The following AEBP2 variants were observed in gnomAD, a reference collection of about 807,000 sequenced individuals.
AEBP2 encodes the protein AE binding protein 2.
AEBP2 carries 10 observed loss-of-function variants against 50.8 expected under a neutral mutation model. The ratio of observed to expected loss-of-function variants is 0.20; its 90% CI spans 0.12 to 0.33. The LOEUF (loss-of-function observed/expected upper bound fraction) is 0.33, where lower values mean the gene tolerates loss of function less well. Ranked by LOEUF, AEBP2 falls within the 10% of genes least tolerant of loss-of-function variation. The pLI, the probability that AEBP2 is intolerant of heterozygous loss-of-function variation, is 1.00. For missense variants in AEBP2, 570 were observed against 688.0 expected, an observed-to-expected ratio of 0.83 and a Z score of 1.92; for synonymous variants, 296 against 261.3, an observed-to-expected ratio of 1.13 and a Z score of -1.28.
chr12:19,501,797 G>GTTTGTTTTTTTTTTTTTTTTTTTTTTTT (rs60750234), intron 5 of AEBP2, among the ~76,000 whole-genome samples: 4 of 70,906 alleles, frequency 5.6e-5, no homozygotes, highest in Non-Finnish European at 1.1e-4. Context: ...AAATGAGTTT[G>GTTTGTTTTTTTTTTTTTTTTTTTTTTTT]TTTTTTTTTT....
At chr12:19,488,978 G>A (rs946063860) in intron 3 of AEBP2, among the ~76,000 whole-genome samples, 8 of 152,030 alleles carry the variant, frequency 5.3e-5, no homozygotes, top group Non-Finnish European at 7.4e-5. Context: ...TAGTAGAGGC[G>A]TGGTTTCACC....
At position 19,489,331 on chromosome 12, in the gene AEBP2, GCAGGGGAACCTGC is replaced by G. The variant is rs537063155; in HGVS notation, c.988-4466_988-4454del. Among the ~76,000 whole-genome samples, 60 of 152,350 alleles carry G rather than the reference GCAGGGGAACCTGC, an allele frequency of 3.9e-4. No individual in the cohort carries two copies. The East Asian group carries it at 0.01, about 25-fold the overall frequency. ...TTCACAAGGTGGTGGCAGAGAGAGTGCAGGGGAACCTGCCATTTTTAAAAACCATCAGATCTTG... is the reference window on the plus strand; with the variant it reads ...TTCACAAGGTGGTGGCAGAGAGAGTGCATTTTTAAAAACCATCAGATCTTG... On this transcript the variant is annotated intron_variant, in intron 3 of 7. Transcript: ENST00000266508.
At chr12:19,468,675 G>T (rs1241760464) in intron 2 of AEBP2, among the ~76,000 whole-genome samples, 1 of 152,090 alleles carries the variant, frequency 6.6e-6, no homozygotes, top group Non-Finnish European at 1.5e-5. Context: ...GGATACACTG[G>T]TTCATACACT....
intron 3 of AEBP2, among the ~76,000 whole-genome samples, chr12:19,476,626 G>A (rs990813280): frequency 6.6e-6 from 1 of 152,212 alleles, no homozygotes; most frequent in Non-Finnish European, 1.5e-5. Context: ...ACAGGCGTGA[G>A]TCACCAATAT....
chr12:19,446,137 C>T (rs1401490877), intron 1 of AEBP2: 2 of 152,012 alleles, frequency 1.3e-5, no homozygotes, highest in Admixed American at 6.6e-5. Context: ...TTTATTTTTG[C>T]GATGAATAGT....
intron 1 of AEBP2, among the ~76,000 whole-genome samples, chr12:19,447,752 G>C (rs1468631606): frequency 2.6e-5 from 4 of 152,182 alleles, no homozygotes; most frequent in Admixed American, 6.5e-5. Flanking sequence ...GAGGATAAGC[G>C]ATCAGTATTG....
chr12:19,505,780 TG>T (rs1949147157), intron 5 of AEBP2, among the ~76,000 whole-genome samples: 1 of 152,048 alleles, frequency 6.6e-6, no homozygotes, highest in Non-Finnish European at 1.5e-5. Context: ...TTTGTTTGTT[TG>T]TTTTGTTTTT....
intron 5 of AEBP2, among the ~76,000 whole-genome samples, chr12:19,509,820 C>CT (rs57103167): frequency 0.035 from 2,393 of 68,816 alleles, 389 homozygotes; most frequent in Admixed American, 0.083. Context: ...TGGCTACTTT[C>CT]TTTTTTTTTT....
chr12:19,472,462 A>T (rs1948587226), intron 2 of AEBP2, among the ~76,000 whole-genome samples: 1 of 152,126 alleles, frequency 6.6e-6, no homozygotes, highest in Non-Finnish European at 1.5e-5. Flanking sequence ...TTAATTTGTT[A>T]GTTTTGGTGC....
At chr12:19,478,877 T>A (rs1484871254) in intron 3 of AEBP2, among the ~76,000 whole-genome samples, 1 of 152,168 alleles carries the variant, frequency 6.6e-6, no homozygotes, top group Non-Finnish European at 1.5e-5. Context: ...GAGACTTGTT[T>A]TGTGACCTAT....
chr12:19,466,934 A>C (rs1166003521), intron 2 of AEBP2: 3 of 364,598 alleles, frequency 8.2e-6, no homozygotes, highest in Non-Finnish European at 7.6e-6. Flanking sequence ...GAAAAGCAAA[A>C]CCATTATATA....
At chr12:19,518,038 A>G in intron 7 of AEBP2, 49 bp from the exon 8 acceptor site, 1 of 1,531,120 alleles carries the variant, frequency 6.5e-7, no homozygotes, top group Non-Finnish European at 8.9e-7. Flanking sequence ...AAGCACTCAA[A>G]TGTGTTTGAT....
At chr12:19,512,051 A>T (rs1392371003) in intron 5 of AEBP2, among the ~76,000 whole-genome samples, 1 of 151,608 alleles carries the variant, frequency 6.6e-6, no homozygotes, top group South Asian at 2.1e-4. Context: ...TTTCTCTGAG[A>T]TGGAGTCTTG....
At chr12:19,442,679 G>A (rs2565677) in intron 1 of AEBP2, among the ~76,000 whole-genome samples, 128,485 of 152,188 alleles carry the variant, frequency 0.84, 54,494 homozygotes, top group African/African-American at 0.91. Flanking sequence ...AGAGACTACA[G>A]AATACTGTTT....
chr12:19,495,319 A>G (rs959847105), intron 4 of AEBP2, among the ~76,000 whole-genome samples: 5 of 152,212 alleles, frequency 3.3e-5, no homozygotes, highest in Admixed American at 6.5e-5. Context: ...GAAAAAATAG[A>G]TTGTACTTTA....
At chr12:19,431,195 G>T (rs1478440181) in intron 1 of AEBP2, among the ~76,000 whole-genome samples, 1 of 152,138 alleles carries the variant, frequency 6.6e-6, no homozygotes, top group Non-Finnish European at 1.5e-5. Flanking sequence ...AGAAAGGAGG[G>T]CTGGTTGCTT....
chr12:19,499,680 A>T (rs1266551005), intron 4 of AEBP2, among the ~76,000 whole-genome samples: 1 of 152,122 alleles, frequency 6.6e-6, no homozygotes, highest in Non-Finnish European at 1.5e-5. Flanking sequence ...ATTTGAAATT[A>T]CATGGTAACA....
intron 5 of AEBP2, among the ~76,000 whole-genome samples, chr12:19,511,936 G>A (rs558423582): frequency 1.3e-5 from 2 of 152,172 alleles, no homozygotes; most frequent in South Asian, 2.1e-4. Context: ...GAAAGACAAA[G>A]GTTTGAGTGC....
In AEBP2 at chr12:19,483,322, A is replaced by G. The variant is rs567484941; in HGVS notation, c.987+9967A>G. 3.9e-5 allele frequency among the ~76,000 whole-genome samples: 6 copies of G among 152,188 alleles called. No individual in the cohort carries two copies. The East Asian group carries it at 1.2e-3, about 29-fold the overall frequency. On this transcript the variant is annotated intron_variant, in intron 3 of 7. Transcript: ENST00000266508. ...CCTTAAATCTGTTTCAGCCCTAGGTAAGGTTAAATCCGTCTCGTCTCCCAT... is the reference window on the plus strand; with the variant it reads ...CCTTAAATCTGTTTCAGCCCTAGGTGAGGTTAAATCCGTCTCGTCTCCCAT...
Sources: allele counts gnomAD v4.1 joint callset (sites outside exome capture counted in the v4.1 genomes callset), GRCh38; gene constraint gnomAD v4.1.1; transcripts MANE v1.5; gene names NCBI Gene and HGNC (gene_info 2026-07-23, HGNC 2026-07-21).